Variants in DAB1 observed in about 807,000 individuals in gnomAD.
The protein encoded by DAB1 is disabled homolog 1.
Under a neutral mutation model 64.6 loss-of-function variants are expected in DAB1, and 15 were observed. The observed-to-expected ratio is 0.23, with a 90% CI of 0.16 to 0.36. The LOEUF is 0.36. Among genes scored for constraint, DAB1 ranks in the 10% least tolerant of loss-of-function variants. DAB1 has a pLI of 1.00. For missense variants in DAB1, 596 were observed against 706.7 expected, an observed-to-expected ratio of 0.84 and a Z score of 1.78; for synonymous variants, 235 against 251.9, an observed-to-expected ratio of 0.93 and a Z score of 0.64.
chr1:57,726,585 A>C (rs1647213685), intron 6 of DAB1, among the ~76,000 whole-genome samples: 1 of 152,232 alleles, frequency 6.6e-6, no homozygotes. Flanking sequence ...GCAGCTAAAG[A>C]GTATTAAGTG....
intron 3 of DAB1, among the ~76,000 whole-genome samples, chr1:58,421,660 T>C (rs1243326553): frequency 6.6e-6 from 1 of 152,106 alleles, no homozygotes; most frequent in African/African-American, 2.4e-5. Flanking sequence ...CACAGAGAGT[T>C]CTGTGATCTG....
chr1:57,113,046 G>A (rs149162576), intron 4 of DAB1, among the ~76,000 whole-genome samples: 1 of 152,220 alleles, frequency 6.6e-6, no homozygotes, highest in Non-Finnish European at 1.5e-5. Context: ...AGGAAAAAGG[G>A]GGTGAACAGA....
chr1:57,593,471 A>G (rs1255335355), intron 7 of DAB1, among the ~76,000 whole-genome samples: 4 of 152,238 alleles, frequency 2.6e-5, no homozygotes, highest in African/African-American at 9.6e-5. Flanking sequence ...CCATGGGTGC[A>G]CAAATCAAAC....
intron 5 of DAB1, among the ~76,000 whole-genome samples, chr1:58,005,466 G>A (rs918658731): frequency 6.6e-6 from 1 of 152,150 alleles, no homozygotes; most frequent in Non-Finnish European, 1.5e-5. Context: ...AGAGGACACT[G>A]CAATTCTGTT....
At chr1:58,450,570 C>G (rs534310528) in intron 3 of DAB1, among the ~76,000 whole-genome samples, 82 of 152,196 alleles carry the variant, frequency 5.4e-4, no homozygotes, top group South Asian at 8.3e-4. Context: ...CTGGCTAACA[C>G]AGTGAAACCC....
At chr1:57,483,983 T>C (rs939650926) in intron 7 of DAB1, among the ~76,000 whole-genome samples, 1 of 152,174 alleles carries the variant, frequency 6.6e-6, no homozygotes. Flanking sequence ...TGGTTATACA[T>C]GCTGTGGGAA....
At chr1:58,147,720 C>T (rs1654685397) in intron 5 of DAB1, among the ~76,000 whole-genome samples, 1 of 151,958 alleles carries the variant, frequency 6.6e-6, no homozygotes, top group South Asian at 2.1e-4. Context: ...GAGTACATAC[C>T]CAAAGCAAAT....
intron 5 of DAB1, chr1:58,048,861 T>A (rs1253538498): frequency 1.0e-6 from 1 of 963,440 alleles, no homozygotes; most frequent in Non-Finnish European, 1.7e-6. Context: ...AGCCCCTTTT[T>A]CTTTGCCACT....
chr1:58,313,838 T>A (rs1035576681), intron 4 of DAB1, among the ~76,000 whole-genome samples: 41 of 141,382 alleles, frequency 2.9e-4, no homozygotes, highest in Admixed American at 2.8e-3. Context: ...TGTGTGTGTG[T>A]GTGTGTGTGT....
chr1:57,839,793 C>A (rs143422237), intron 1 of DAB1, among the ~76,000 whole-genome samples: 1 of 152,352 alleles, frequency 6.6e-6, no homozygotes, highest in East Asian at 1.9e-4. Flanking sequence ...AGCCCTGCCT[C>A]TGCCCTGTAA....
At chr1:57,840,662 A>C (rs534457001) in intron 1 of DAB1, among the ~76,000 whole-genome samples, 2 of 152,272 alleles carry the variant, frequency 1.3e-5, no homozygotes, top group Admixed American at 6.5e-5. Flanking sequence ...TTAACATGGC[A>C]GCAGGAGAGA....
intron 7 of DAB1, among the ~76,000 whole-genome samples, chr1:57,574,559 A>G (rs934953895): frequency 1.3e-5 from 2 of 152,172 alleles, no homozygotes; most frequent in Admixed American, 1.3e-4. Flanking sequence ...ACGAGATTCA[A>G]TTTCTGGTTC....
At chr1:57,985,771 T>A (rs971340665) in intron 5 of DAB1, among the ~76,000 whole-genome samples, 2 of 152,050 alleles carry the variant, frequency 1.3e-5, no homozygotes, top group Non-Finnish European at 2.9e-5. Flanking sequence ...GAAAATAAGA[T>A]GCGTGGTCAG....
At chr1:57,269,585 G>A (rs1670837121) in intron 2 of DAB1, among the ~76,000 whole-genome samples, 1 of 152,062 alleles carries the variant, frequency 6.6e-6, no homozygotes, top group Non-Finnish European at 1.5e-5. Context: ...CTGAACCCAT[G>A]CACAGGTTTT....
chr1:58,219,154 C>T (rs1157562287), intron 4 of DAB1, among the ~76,000 whole-genome samples: 15 of 152,172 alleles, frequency 9.9e-5, no homozygotes, highest in Non-Finnish European at 1.3e-4. Flanking sequence ...CTTCCCAAGG[C>T]TCCTCCTCTG....
At chr1:57,852,774 T>C (rs1358194275) in intron 1 of DAB1, among the ~76,000 whole-genome samples, 1 of 152,126 alleles carries the variant, frequency 6.6e-6, no homozygotes, top group Non-Finnish European at 1.5e-5. Flanking sequence ...CATTTATTAT[T>C]ATCTGTCACA....
At chr1:57,572,395 T>C (rs916073869) in intron 7 of DAB1, among the ~76,000 whole-genome samples, 2 of 152,196 alleles carry the variant, frequency 1.3e-5, no homozygotes, top group African/African-American at 4.8e-5. Context: ...GTGAGGTGTT[T>C]GATGCAAGCA....
chr1:57,968,599 A>C (rs1414952379), intron 5 of DAB1, among the ~76,000 whole-genome samples: 1 of 152,186 alleles, frequency 6.6e-6, no homozygotes, highest in Non-Finnish European at 1.5e-5. Flanking sequence ...TGCATGAGTC[A>C]GTAGATCTTC....
intron 2 of DAB1, among the ~76,000 whole-genome samples, chr1:58,525,650 T>C (rs1382824766): frequency 3.3e-5 from 5 of 152,128 alleles, no homozygotes; most frequent in African/African-American, 4.8e-5. Flanking sequence ...CCCAAATTCA[T>C]GTATAAATGC....
Sources: gnomAD v4.1 joint callset for allele counts (sites outside exome capture counted in the v4.1 genomes callset) on GRCh38, gnomAD v4.1.1 for gene constraint, MANE v1.5 for transcripts, NCBI Gene and HGNC (gene_info 2026-07-23, HGNC 2026-07-21) for gene names.